RPH3AL: variants seen among roughly 807,000 people sequenced by gnomAD.
RPH3AL encodes the protein rabphilin 3A like (without C2 domains).
In RPH3AL, 38 loss-of-function variants were observed where a neutral mutation model predicts 43.1. The observed-to-expected ratio is 0.88, with a 90% confidence interval of 0.68 to 1.15. RPH3AL has a LOEUF of 1.15. RPH3AL is among the 50% of genes most tolerant of loss of function. The probability of loss-of-function intolerance (pLI) is 0.00; values close to 1 mark genes in which losing one functional copy is unlikely to be tolerated. For synonymous variants in RPH3AL, 189 were observed against 176.3 expected (o/e 1.07, Z -0.57); for missense variants, 462 against 423.2 (o/e 1.09, Z -0.81).
At chr17:253,556 A>G (rs926685794) in intron 6 of RPH3AL, among the ~76,000 whole-genome samples, 1 of 152,138 alleles carries the variant, frequency 6.6e-6, no homozygotes, top group Non-Finnish European at 1.5e-5. Context: ...CATCAAACGT[A>G]TCACCTGAAG....
At chr17:314,702 AGTCTCTGTG>A (rs2043838431) in intron 5 of RPH3AL, among the ~76,000 whole-genome samples, 6 of 133,150 alleles carry the variant, frequency 4.5e-5, no homozygotes, top group Non-Finnish European at 8.0e-5. Flanking sequence ...ATTGACCTGT[AGTCTCTGTG>A]CTCCACCTCC....
At chr17:345,107 AAC>A (rs548169665) in intron 1 of RPH3AL, among the ~76,000 whole-genome samples, 1 of 134,036 alleles carries the variant, frequency 7.5e-6, no homozygotes, top group Non-Finnish European at 1.7e-5. Context: ...TGTCTCTGAA[AAC>A]ACACACACAC....
chr17:265,555 A>ATTCCCTC (rs1251748484), intron 6 of RPH3AL, among the ~76,000 whole-genome samples: 8 of 152,156 alleles, frequency 5.3e-5, no homozygotes, highest in African/African-American at 1.9e-4. Flanking sequence ...TTTTTCTTTT[A>ATTCCCTC]TTCCCTCTTC....
At chr17:340,658 C>T (rs368578432) in intron 1 of RPH3AL, among the ~76,000 whole-genome samples, 7 of 9,988 alleles carry the variant, frequency 7.0e-4, no homozygotes, top group Non-Finnish European at 1.0e-3. Flanking sequence ...ACTCACTGCC[C>T]CCCACCCAGG....
chr17:280,328 C>T (rs189791808), intron 6 of RPH3AL, among the ~76,000 whole-genome samples: 1 of 152,270 alleles, frequency 6.6e-6, no homozygotes, highest in African/African-American at 2.4e-5. Context: ...CTGAAAACAG[C>T]AGGGACCTGC....
intron 5 of RPH3AL, among the ~76,000 whole-genome samples, chr17:315,158 C>G (rs796884336): frequency 4.2e-5 from 6 of 143,466 alleles, no homozygotes; most frequent in African/African-American, 1.6e-4. Flanking sequence ...ACCTGTAGTC[C>G]CTGTGCCCCC....
At chr17:345,447 G>T (rs2045217329) in intron 1 of RPH3AL, among the ~76,000 whole-genome samples, 1 of 135,066 alleles carries the variant, frequency 7.4e-6, no homozygotes, top group African/African-American at 2.5e-5. Context: ...CCACCGGGGG[G>T]TTCATCCTCA....
chr17:306,167 G>A (rs1348105796), intron 5 of RPH3AL, among the ~76,000 whole-genome samples: 5 of 151,658 alleles, frequency 3.3e-5, no homozygotes, highest in Admixed American at 1.3e-4. Context: ...GACTTCCCCA[G>A]CCCCTTTCTG....
At chr17:301,118 C>G (rs150115903) in intron 5 of RPH3AL, among the ~76,000 whole-genome samples, 1 of 152,400 alleles carries the variant, frequency 6.6e-6, no homozygotes, top group African/African-American at 2.4e-5. Flanking sequence ...TGGGTGCTAC[C>G]TCTCACTCTG....
intron 5 of RPH3AL, among the ~76,000 whole-genome samples, chr17:310,870 C>T (rs543419857): frequency 6.6e-6 from 1 of 152,258 alleles, no homozygotes; most frequent in Non-Finnish European, 1.5e-5. Context: ...CTGGGCCTCC[C>T]TGATTCTCCA....
chr17:301,010 C>T (rs1437359030), intron 5 of RPH3AL, among the ~76,000 whole-genome samples: 5 of 152,264 alleles, frequency 3.3e-5, no homozygotes, highest in Admixed American at 2.0e-4. Flanking sequence ...GACTCCTCCA[C>T]GTATCCAACT....
chr17:266,482 C>T (rs782045992), intron 6 of RPH3AL, among the ~76,000 whole-genome samples: 2 of 152,210 alleles, frequency 1.3e-5, no homozygotes, highest in African/African-American at 4.8e-5. Context: ...GAGGGCCCCG[C>T]CCTCATCAGA....
Position 299,063 on chromosome 17 carries a change from C to T in RPH3AL, c.352-17209G>A, listed in dbSNP as rs77171626. Among the ~76,000 whole-genome samples the T allele has an allele frequency of 4.5e-3, 591 of 130,408 alleles. 6 individuals carry two copies. The highest frequency in any genetic ancestry group is 0.017 in the African/African-American group (564 of 33,278). 85.6% of individuals were successfully genotyped at this position (130,408 alleles called of 152,430 possible). On this transcript the variant is annotated intron_variant, in intron 5 of 9. Coordinates refer to ENST00000331302, the MANE Select transcript of RPH3AL (RefSeq NM_006987.4). ...GGCAGTAGGGAGCCACTGAAGGCTT[C>T]GGGGGGAGGGAGGGGGACAGTGACC...
intron 6 of RPH3AL, among the ~76,000 whole-genome samples, chr17:280,509 C>G (rs1206198714): frequency 6.6e-6 from 1 of 152,188 alleles, no homozygotes; most frequent in Non-Finnish European, 1.5e-5. Context: ...CACTGGGCAA[C>G]CCCAGACCCA....
rs1567555083 is a variant in RPH3AL, at chr17:213,900, G to A, written c.900C>T (p.Ala300=). 5.6e-6 allele frequency: 9 copies of A among 1,613,478 alleles called. No homozygotes were observed. The highest frequency in any genetic ancestry group is 7.6e-6 in the Non-Finnish European group (9 of 1,179,914). The part of the protein sequence containing the change: ...RAPVKDTPGR[A]PAADAAPAGP... ...CTGCTGGAGCTGCGTCAGCAGCGGG[G>A]GCTCGTCCAGGTGTGTCTTTTACCT... is the stretch of plus-strand genomic sequence containing the variant. Residue 300 remains alanine, a synonymous_variant, in exon 10 of 10, where the codon GCC becomes GCT. Transcript: ENST00000331302.
intron 1 of RPH3AL, among the ~76,000 whole-genome samples, chr17:344,043 CCAT>C (rs908277999): frequency 6.4e-5 from 5 of 78,100 alleles, no homozygotes; most frequent in Admixed American, 2.2e-4. Flanking sequence ...CCCATCATCA[CCAT>C]CATCATCGTC....
intron 6 of RPH3AL, among the ~76,000 whole-genome samples, chr17:253,096 C>G (rs999511422): frequency 3.9e-5 from 6 of 152,148 alleles, no homozygotes; most frequent in African/African-American, 9.7e-5. Flanking sequence ...GGACCCTGAT[C>G]GGGGAAGGTT....
rs116239819 is a variant in RPH3AL at position 224,132 on chromosome 17, C to G, written c.614-4396G>C. The stretch of plus-strand genomic sequence containing the variant: ...TAACTCGAGGTGTCAGCTCCTCCAA[C>G]CTGGACTCCTGTGACAATGCCCCAC... On this transcript the variant is annotated intron_variant, in intron 7 of 9. Transcript: ENST00000331302. Among the ~76,000 whole-genome samples the G allele has an allele frequency of 4.0e-3, 608 of 152,372 alleles. 2 individuals carry two copies. The highest frequency in any genetic ancestry group is 0.014 in the African/African-American group (581 of 41,590).
intron 5 of RPH3AL, among the ~76,000 whole-genome samples, chr17:297,107 C>A (rs759832732): frequency 6.6e-6 from 1 of 152,202 alleles, no homozygotes; most frequent in Non-Finnish European, 1.5e-5. Flanking sequence ...GAAGACTCCA[C>A]AAAAACCCAA....
Sources: allele counts gnomAD v4.1 joint callset (sites outside exome capture counted in the v4.1 genomes callset), GRCh38; gene constraint gnomAD v4.1.1; transcripts MANE v1.5; gene names NCBI Gene and HGNC (gene_info 2026-07-23, HGNC 2026-07-21).